Variants in BECN1 observed in about 807,000 individuals in gnomAD.
BECN1 encodes beclin 1, also known as beclin-1.
A neutral mutation model predicts 60.1 loss-of-function variants in BECN1; 15 were observed. The observed-to-expected ratio is 0.25, with a 90% CI of 0.17 to 0.38. The LOEUF (loss-of-function observed/expected upper bound fraction) is 0.38, where lower values mean the gene tolerates loss of function less well. BECN1 is among the 10% of genes least tolerant of loss of function. The pLI is 1.00. For missense variants in BECN1, 424 were observed against 548.2 expected, an observed-to-expected ratio of 0.77 and a Z score of 2.26; for synonymous variants, 179 against 201.8, an observed-to-expected ratio of 0.89 and a Z score of 0.96.
chr17:42,818,514 G>A, intron 6 of BECN1, 30 bp downstream of exon 6: 3 of 1,613,912 alleles, frequency 1.9e-6, no homozygotes, highest in Non-Finnish European at 2.5e-6. Flanking sequence ...AGCAGTAACA[G>A]CTCTGAGCCC....
At position 42,821,075 on chromosome 17, in the gene BECN1, CT is replaced by C. The variant is rs1487517989; in HGVS notation, c.131-235del. ...ATCATTATTATTATTATTATTATTA[CT>C]TTAAGATGGAGTCTTGCTCTGTCGC... On this transcript the variant is annotated intron_variant, in intron 2 of 11. Coordinates refer to ENST00000590099, the MANE Select transcript of BECN1 (RefSeq NM_001313998.2). 2.6e-5 allele frequency among the ~76,000 whole-genome samples: 4 copies of C among 151,872 alleles called. 1 individual carries two copies. Among genetic ancestry groups the C allele is most frequent in the Admixed American group, 2.6e-4 (4 of 15,234 alleles).
rs564888108 is a variant in BECN1 at position 42,822,519 on chromosome 17, T to C, written c.130+1229A>G. 5.9e-5 allele frequency among the ~76,000 whole-genome samples: 9 copies of C among 152,330 alleles called. No homozygotes were observed. The East Asian group carries it at 1.7e-3, about 29-fold the overall frequency. ...CTGCCTATTCAGTCTTCTCTTTTAC[T>C]GTCTGACTTAATCTGAATTCTTCTG... On this transcript the variant is annotated intron_variant, in intron 2 of 11. Transcript: ENST00000590099.
At chr17:42,818,121 C>A in intron 7 of BECN1, 100 bp downstream of exon 7, 1 of 1,295,052 alleles carries the variant, frequency 7.7e-7, no homozygotes, top group Non-Finnish European at 1.1e-6. Flanking sequence ...TGCTGACTGA[C>A]AGCTGACTAG....
intron 5 of BECN1, 30 bp downstream of exon 5, chr17:42,818,757 C>T (rs1377807431): frequency 1.9e-6 from 3 of 1,613,874 alleles, no homozygotes; most frequent in Admixed American, 1.7e-5. Context: ...GCCAGGCCTA[C>T]TGCTTGCCAC....
chr17:42,823,931 C>G, intron 1 of BECN1, 52 bp from the exon 2 acceptor site: 1 of 1,592,242 alleles, frequency 6.3e-7, no homozygotes. Flanking sequence ...CCCTTGACCT[C>G]CGGCCCGGGG....
At position 42,824,238 on chromosome 17, in the gene BECN1, A is replaced by T; in HGVS notation, c.-86T>A. The stretch of plus-strand genomic sequence containing the variant: ...GGGTCGGCCCCGGAGCGAGGCCTCC[A>T]GAACTACCATCGCTCTGTCTTCAGC... On this transcript the variant is annotated 5_prime_UTR_variant, in exon 1 of 12. Coordinates refer to ENST00000590099, the MANE Select transcript of BECN1 (RefSeq NM_001313998.2). The T allele has an allele frequency of 2.5e-6, 1 of 404,556 alleles. No individual in the cohort carries two copies. The allele number at this position is 404,556 out of a possible 1,614,324, so 25.1% of individuals were successfully genotyped here.
rs757587252 is a variant in BECN1, at chr17:42,813,903, T to TA, written c.1041+44dup. 22 of 1,387,204 alleles carry TA rather than the reference T, an allele frequency of 1.6e-5. No homozygotes were observed. The South Asian group carries it at 2.8e-4, about 17-fold the overall frequency. The allele number at this position is 1,387,204 out of a possible 1,614,324, so 85.9% of individuals were successfully genotyped here. A position where few individuals can be genotyped will look rare whatever the true frequency, so the allele number is the denominator to read the frequency against. ...GCAAACCATCCATTTTCTTAAGAGA[T>TA]ATAAGAACTCTGTATTCCAGTGAAA... On this transcript the variant is annotated intron_variant, in intron 10 of 11. Transcript: ENST00000590099.
At position 42,814,626 on chromosome 17, in the gene BECN1, AG is replaced by A. The variant is rs758718841; in HGVS notation, c.877del (p.Leu293CysfsTer31). 2.5e-6 allele frequency: 4 copies of A among 1,614,190 alleles called. No individual in the cohort carries two copies. The highest frequency in any genetic ancestry group is 3.4e-6 in the Non-Finnish European group (4 of 1,180,022). On this transcript the variant is annotated frameshift_variant, in exon 9 of 12. Transcript: ENST00000590099. LOFTEE classifies it high-confidence loss of function. ...ATTCCATTCCACGGGAACACTGGGC[AG>A]GCGACCCAGCCTGAAGTTATTGATT... ...GTINNFRLGR[L>X]PSVPVEWNEI... is the part of the protein sequence containing the mutation.
intron 11 of BECN1, chr17:42,811,345 A>G: frequency 3.3e-6 from 1 of 305,512 alleles, no homozygotes; most frequent in Non-Finnish European, 5.9e-6. Flanking sequence ...AAAAATCAAA[A>G]GAAGCATTCC....
chr17:42,822,841 C>T (rs2055297108), intron 2 of BECN1, among the ~76,000 whole-genome samples: 1 of 151,514 alleles, frequency 6.6e-6, no homozygotes. Flanking sequence ...CCCACCACAC[C>T]CAGCAATTTT....
In BECN1 at chr17:42,823,190, T is replaced by C. The variant is rs539365746; in HGVS notation, c.130+558A>G. ...GTCCTCAAAAAATACCATTTATTAT[T>C]ATATATACATATTCCTTTTCTCTGA... is the stretch of plus-strand genomic sequence containing the variant. On this transcript the variant is annotated intron_variant, in intron 2 of 11. Transcript: ENST00000590099. Among the ~76,000 whole-genome samples, 4 of 152,354 alleles carry C rather than the reference T, an allele frequency of 2.6e-5. No individual in the cohort carries two copies. The East Asian group carries it at 7.7e-4, about 29-fold the overall frequency.
intron 6 of BECN1, 55 bp from the exon 7 acceptor site, chr17:42,818,470 G>A: frequency 1.2e-6 from 2 of 1,612,388 alleles, no homozygotes; most frequent in Non-Finnish European, 1.7e-6. Flanking sequence ...CCTGAGTGGA[G>A]TACGGCTCTT....
At position 42,810,635 on chromosome 17, in the gene BECN1, G is replaced by C; in HGVS notation, c.*125C>G. 2 of 1,059,874 alleles carry C rather than the reference G, an allele frequency of 1.9e-6. No homozygotes were observed. Among genetic ancestry groups the C allele is most frequent in the East Asian group, 5.6e-5 (2 of 35,934 alleles). The allele number at this position is 1,059,874 out of a possible 1,614,324, so 65.7% of individuals were successfully genotyped here. On this transcript the variant is annotated 3_prime_UTR_variant, in exon 12 of 12. Transcript: ENST00000590099. Reference sequence around the variant, plus strand: ...ATTTTAAAATAAAGTGGCTTTTGTGGATTTTTTCTTTTTTGGTATTGTAAA... The same window carrying C: ...ATTTTAAAATAAAGTGGCTTTTGTGCATTTTTTCTTTTTTGGTATTGTAAA...
chr17:42,814,213 G>A (rs2055097777), intron 9 of BECN1: 2 of 548,338 alleles, frequency 3.6e-6, no homozygotes, highest in Non-Finnish European at 6.4e-6. Flanking sequence ...TTGCCTGGGG[G>A]CCTTCCATGA....
At chr17:42,817,433 T>C (rs1433254291) in intron 7 of BECN1, among the ~76,000 whole-genome samples, 1 of 152,254 alleles carries the variant, frequency 6.6e-6, no homozygotes, top group African/African-American at 2.4e-5. Context: ...GTTATACTAC[T>C]GTGTGAAAAA....
intron 11 of BECN1, 112 bp from the exon 12 acceptor site, chr17:42,811,040 T>C: frequency 1.8e-6 from 2 of 1,139,906 alleles, no homozygotes; most frequent in South Asian, 1.9e-5. Context: ...TAAAGAACAC[T>C]TGGTGAGGAA....
chr17:42,814,119 T>C, intron 9 of BECN1, 111 bp from the exon 10 acceptor site: 1 of 682,160 alleles, frequency 1.5e-6, no homozygotes, highest in Non-Finnish European at 2.4e-6. Flanking sequence ...CTTCTTTTAT[T>C]ATGCTCAACT....
At chr17:42,814,788 G>A (rs182283223) in intron 8 of BECN1, 115 bp from the exon 9 acceptor site, 3 of 1,290,418 alleles carry the variant, frequency 2.3e-6, no homozygotes, top group African/African-American at 3.0e-5. Context: ...ATATATGCAA[G>A]CTGTACTTGG....
chr17:42,819,629 G>A lies in BECN1; in HGVS notation c.199-20C>T. The A allele has an allele frequency of 6.2e-7, 1 of 1,611,652 alleles. No individual in the cohort carries two copies. The highest frequency in any genetic ancestry group is 1.3e-5 in the African/African-American group (1 of 74,996). ...TGGCTCCTGGGAAAGAAATAAGAGG[G>A]CATTACAACTCTGGCAGCTTAGAGG... On this transcript the variant is annotated intron_variant, in intron 3 of 11. Transcript: ENST00000590099.
Sources: gnomAD v4.1 joint callset for allele counts (sites outside exome capture counted in the v4.1 genomes callset) on GRCh38, gnomAD v4.1.1 for gene constraint, MANE v1.5 for transcripts, NCBI Gene and HGNC (gene_info 2026-07-23, HGNC 2026-07-21) for gene names.